SSH2: variants seen among roughly 807,000 people sequenced by gnomAD.
SSH2 encodes the protein protein phosphatase Slingshot homolog 2.
SSH2 carries 37 observed loss-of-function variants against 135.2 expected under a neutral mutation model. The observed-to-expected ratio is 0.27, with a 90% confidence interval of 0.21 to 0.36. The LOEUF is 0.36. SSH2 is among the 10% of genes least tolerant of loss of function. The pLI is 1.00. For synonymous variants in SSH2, 628 were observed against 646.2 expected (o/e 0.97, Z 0.43); for missense variants, 1,408 against 1,765.3 (o/e 0.80, Z 3.63).
intron 1 of SSH2, among the ~76,000 whole-genome samples, chr17:29,868,249 C>T (rs2065885089): frequency 6.6e-6 from 1 of 152,146 alleles, no homozygotes; most frequent in African/African-American, 2.4e-5. Context: ...ATTTTGGGTA[C>T]AGCAGAGGTA....
At position 29,671,804 on chromosome 17, in the gene SSH2, C is replaced by T. The variant is rs542822070; in HGVS notation, c.809+131G>A. On this transcript the variant is annotated intron_variant, in intron 9 of 15. Transcript: ENST00000540801. ...ATTCTTCATATGTGGCAGACACGTG[C>T]TATTCACAATGACTAATATTCCTAG... is the stretch of plus-strand genomic sequence containing the variant. The T allele has an allele frequency of 1.8e-4, 136 of 755,144 alleles. No homozygotes were observed. The Middle Eastern group carries it at 2.0e-3, about 11-fold the overall frequency. 46.8% of individuals were successfully genotyped at this position (755,144 alleles called of 1,614,324 possible).
intron 3 of SSH2, among the ~76,000 whole-genome samples, chr17:29,710,116 C>G (rs925773746): frequency 6.6e-6 from 1 of 152,110 alleles, no homozygotes; most frequent in Non-Finnish European, 1.5e-5. Context: ...CCATGACCAG[C>G]AGGAAGGTCA....
At chr17:29,837,769 C>T (rs2042967734) in intron 2 of SSH2, among the ~76,000 whole-genome samples, 2 of 152,234 alleles carry the variant, frequency 1.3e-5, no homozygotes. Flanking sequence ...GGCCACTGTG[C>T]CACCTGCATC....
chr17:29,694,891 TAGAC>T (rs1391964541), intron 5 of SSH2, among the ~76,000 whole-genome samples: 2 of 152,200 alleles, frequency 1.3e-5, no homozygotes, highest in Non-Finnish European at 2.9e-5. Context: ...TCCCCATACT[TAGAC>T]AGCATTTTGC....
In SSH2 at chr17:29,631,013, C is replaced by G. The variant is rs1472738421; in HGVS notation, c.4181G>C (p.Ser1394Thr). The change falls in exon 16 of 16, where the codon AGT becomes ACT. Residue 1394 changes from serine to threonine, a missense_variant. Ser to Thr is a moderately conservative substitution (Grantham distance 58). Coordinates refer to ENST00000540801, the MANE Select transcript of SSH2 (RefSeq NM_001282129.2). ...LLPRAGLELT[S>T]SEGGLPVLQT... ...TAGCACGGGAAGGCCTCCTTCAGAA[C>G]TAGTCAATTCAAGTCCTGCCCTGGG... The G allele has an allele frequency of 6.2e-7, 1 of 1,614,094 alleles. No individual in the cohort carries two copies. The highest frequency in any genetic ancestry group is 1.7e-5 in the Admixed American group (1 of 60,028).
chr17:29,692,084 G>A (rs1282013398), intron 5 of SSH2, among the ~76,000 whole-genome samples: 4 of 151,230 alleles, frequency 2.6e-5, no homozygotes, highest in East Asian at 2.0e-4. Flanking sequence ...AGGTTGCAAT[G>A]GGCCAAGATC....
Position 29,626,431 on chromosome 17 carries a change from AGC to A in SSH2, c.*4408_*4409del, listed in dbSNP as rs1208244338. The stretch of plus-strand genomic sequence containing the variant: ...TTACCCAGTTTTTAGTTTGGGTATT[AGC>A]TCTGCATGTGTACACAGGACGCTGC... On this transcript the variant is annotated 3_prime_UTR_variant, in exon 16 of 16. Transcript: ENST00000540801. 2 of 152,770 alleles carry A rather than the reference AGC, an allele frequency of 1.3e-5. No individual in the cohort carries two copies. Among genetic ancestry groups the A allele is most frequent in the Admixed American group, 6.5e-5 (1 of 15,276 alleles). 9.5% of individuals were successfully genotyped at this position (152,770 alleles called of 1,614,324 possible). A position where few individuals can be genotyped will look rare whatever the true frequency, so the allele number is the denominator to read the frequency against.
intron 1 of SSH2, chr17:29,925,548 C>A (rs2067049313): frequency 7.5e-6 from 3 of 398,300 alleles, no homozygotes; most frequent in Non-Finnish European, 1.3e-5. Context: ...CCAAGCAAGT[C>A]CCCATCTCTA....
chr17:29,673,563 C>T, intron 8 of SSH2, among the ~76,000 whole-genome samples: 1 of 141,476 alleles, frequency 7.1e-6, no homozygotes, highest in African/African-American at 2.6e-5. Context: ...GAGTGAGACA[C>T]AATCTCAAAA....
intron 1 of SSH2, among the ~76,000 whole-genome samples, chr17:29,921,451 T>C (rs2066974784): frequency 6.6e-6 from 1 of 152,236 alleles, no homozygotes; most frequent in Admixed American, 6.5e-5. Flanking sequence ...ATCAAAAGTC[T>C]TAAAAGTGAT....
chr17:29,905,488 G>A (rs7221516), intron 1 of SSH2, among the ~76,000 whole-genome samples: 73,774 of 152,028 alleles, frequency 0.49, 18,628 homozygotes, highest in East Asian at 0.69. Context: ...GTAGCTGCAG[G>A]TCTGAGCCTC....
At chr17:29,801,787 G>A (rs936935586) in intron 2 of SSH2, among the ~76,000 whole-genome samples, 3 of 152,178 alleles carry the variant, frequency 2.0e-5, no homozygotes, top group Non-Finnish European at 2.9e-5. Context: ...ATAAAGGGTC[G>A]AATGAGTGAC....
At chr17:29,668,823 C>G (rs1313074965) in intron 9 of SSH2, among the ~76,000 whole-genome samples, 5 of 152,154 alleles carry the variant, frequency 3.3e-5, no homozygotes, top group Non-Finnish European at 7.4e-5. Context: ...TCCCCTCAAT[C>G]CCTCACAAGT....
At chr17:29,731,691 A>G (rs1048257156) in intron 3 of SSH2, among the ~76,000 whole-genome samples, 12 of 152,042 alleles carry the variant, frequency 7.9e-5, no homozygotes, top group Non-Finnish European at 1.8e-4. Flanking sequence ...CCTGGCCTCA[A>G]CTGATCTGTC....
At chr17:29,642,386 CT>C (rs969537205) in intron 14 of SSH2, among the ~76,000 whole-genome samples, 12 of 152,236 alleles carry the variant, frequency 7.9e-5, no homozygotes, top group African/African-American at 2.6e-4. Context: ...TCCTTGCCCC[CT>C]ATACACTGAA....
chr17:29,845,606 T>G (rs185960784), intron 2 of SSH2, among the ~76,000 whole-genome samples: 1 of 152,324 alleles, frequency 6.6e-6, no homozygotes, highest in Non-Finnish European at 1.5e-5. Context: ...ATTGTTTCTC[T>G]TTATTTTTTT....
rs2067104730 is a variant in SSH2 at position 29,928,233 on chromosome 17, G to A, written c.63+1705C>T. On this transcript the variant is annotated intron_variant, in intron 1 of 15. Coordinates refer to ENST00000540801, the MANE Select transcript of SSH2 (RefSeq NM_001282129.2). ...TGGAGTGAATTAAGAAGGTTTGATG[G>A]TATGTTAATGACTTTCCAAAAACTA... is the stretch of plus-strand genomic sequence containing the variant. 3 of 262,134 alleles carry A rather than the reference G, an allele frequency of 1.1e-5. No homozygotes were observed. The East Asian group carries it at 2.0e-4, about 18-fold the overall frequency. 16.2% of individuals were successfully genotyped at this position (262,134 alleles called of 1,614,324 possible).
At chr17:29,818,269 G>A (rs1254350002) in intron 2 of SSH2, among the ~76,000 whole-genome samples, 1 of 144,582 alleles carries the variant, frequency 6.9e-6, no homozygotes, top group African/African-American at 2.6e-5. Flanking sequence ...TTTTTTAAGA[G>A]ATGGATTCTT....
intron 3 of SSH2, among the ~76,000 whole-genome samples, chr17:29,761,862 T>TGTGTGTGTGC: frequency 7.4e-6 from 1 of 135,622 alleles, no homozygotes; most frequent in Non-Finnish European, 1.6e-5. Context: ...TGTGTGTGTG[T>TGTGTGTGTGC]GTGTGTGTGT....
Sources: allele counts gnomAD v4.1 joint callset (sites outside exome capture counted in the v4.1 genomes callset), GRCh38; gene constraint gnomAD v4.1.1; transcripts MANE v1.5; gene names NCBI Gene and HGNC (gene_info 2026-07-23, HGNC 2026-07-21).